DISP1: variants seen among roughly 807,000 people sequenced by gnomAD.
DISP1 encodes dispatched RND transporter family member 1.
A neutral mutation model predicts 37.3 loss-of-function variants in DISP1; 30 were observed. The observed-to-expected ratio is 0.80, with a 90% CI of 0.60 to 1.09. DISP1 has a LOEUF of 1.09. Ranked by LOEUF, DISP1 falls within the 50% of genes least tolerant of loss-of-function variation. The pLI is 0.00. For synonymous variants in DISP1, 634 were observed against 690.2 expected (o/e 0.92, Z 1.28); for missense variants, 1,598 against 1,879.5 (o/e 0.85, Z 2.77).
intron 1 of DISP1, among the ~76,000 whole-genome samples, chr1:222,888,403 T>C (rs1402040768): frequency 1.3e-5 from 2 of 152,190 alleles, no homozygotes; most frequent in Non-Finnish European, 2.9e-5. Context: ...AATTTCAAGC[T>C]GAAGAAGCCA....
chr1:222,887,524 C>T lies in DISP1; in HGVS notation c.-158-40906C>T, dbSNP rs1349203759. ...TTTTTTTTTTTGAGACGGAGTCTCGCTCTGTTGCCCAGGCCGGACTGCGGA... is the reference window on the plus strand; with the variant it reads ...TTTTTTTTTTTGAGACGGAGTCTCGTTCTGTTGCCCAGGCCGGACTGCGGA... On this transcript the variant is annotated intron_variant, in intron 1 of 8. Transcript: ENST00000675850. Among the ~76,000 whole-genome samples, 6 of 89,566 alleles carry T rather than the reference C, an allele frequency of 6.7e-5. 1 individual carries two copies. In the Admixed American group the frequency reaches 7.0e-4, roughly 10 times the overall value. 58.8% of individuals were successfully genotyped at this position (89,566 alleles called of 152,430 possible).
chr1:222,984,431 T>TAC (rs1678098735), intron 4 of DISP1, among the ~76,000 whole-genome samples: 1 of 112,724 alleles, frequency 8.9e-6, no homozygotes, highest in Non-Finnish European at 1.8e-5. Context: ...AATATATATA[T>TAC]ATATAGAGAG....
chr1:222,975,485 A>G (rs1677248019), intron 3 of DISP1, among the ~76,000 whole-genome samples: 1 of 152,240 alleles, frequency 6.6e-6, no homozygotes, highest in African/African-American at 2.4e-5. Flanking sequence ...AAGGTGAGCA[A>G]AACAAAGAAA....
chr1:222,909,213 T>C (rs547866960), intron 1 of DISP1, among the ~76,000 whole-genome samples: 1 of 152,172 alleles, frequency 6.6e-6, no homozygotes, highest in African/African-American at 2.4e-5. Context: ...AATTCTATAA[T>C]TCAATAATGT....
chr1:222,957,956 A>G lies in DISP1; in HGVS notation c.509+14624A>G, dbSNP rs539842854. 3.3e-5 allele frequency among the ~76,000 whole-genome samples: 5 copies of G among 152,330 alleles called. No homozygotes were observed. In the South Asian group the frequency reaches 8.3e-4, roughly 25 times the overall value. On this transcript the variant is annotated intron_variant, in intron 3 of 8. Coordinates refer to ENST00000675850, the MANE Select transcript of DISP1 (RefSeq NM_001377229.1). Reference sequence around the variant, plus strand: ...CAGTTTATAGGATTTTTGAGTTCATATGGAATTGGCAGAGACCATGTACAT... The same window carrying G: ...CAGTTTATAGGATTTTTGAGTTCATGTGGAATTGGCAGAGACCATGTACAT...
At chr1:222,826,043 A>G (rs1664297551) in intron 1 of DISP1, among the ~76,000 whole-genome samples, 1 of 152,146 alleles carries the variant, frequency 6.6e-6, no homozygotes, top group African/African-American at 2.4e-5. Flanking sequence ...CTGGGACTGT[A>G]GGTGTGTACC....
intron 8 of DISP1, among the ~76,000 whole-genome samples, chr1:223,001,319 A>G (rs1248216301): frequency 6.6e-6 from 1 of 152,238 alleles, no homozygotes; most frequent in East Asian, 1.9e-4. Flanking sequence ...AATAAACTTT[A>G]TGGAAGAAAT....
chr1:222,979,595 C>T (rs1311426759), intron 3 of DISP1: 1 of 470,816 alleles, frequency 2.1e-6, no homozygotes, highest in East Asian at 6.9e-5. Flanking sequence ...GAAAATACAG[C>T]TTTTGGGGGT....
At chr1:222,885,315 C>T (rs1670528285) in intron 1 of DISP1, among the ~76,000 whole-genome samples, 1 of 152,034 alleles carries the variant, frequency 6.6e-6, no homozygotes, top group Non-Finnish European at 1.5e-5. Flanking sequence ...ATTGTTCCAT[C>T]TTTGGCCATT....
intron 3 of DISP1, among the ~76,000 whole-genome samples, chr1:222,980,732 T>C (rs939391602): frequency 2.1e-4 from 32 of 152,324 alleles, no homozygotes; most frequent in Admixed American, 9.2e-4. Context: ...ATAAAAAGAA[T>C]GCATTTTTGG....
intron 1 of DISP1, among the ~76,000 whole-genome samples, chr1:222,874,062 G>A (rs950282503): frequency 2.0e-5 from 3 of 152,132 alleles, no homozygotes; most frequent in African/African-American, 4.8e-5. Flanking sequence ...TGAAATTCTG[G>A]GTTGAAAATT....
intron 1 of DISP1, among the ~76,000 whole-genome samples, chr1:222,883,244 G>A (rs1162270274): frequency 6.6e-6 from 1 of 152,060 alleles, no homozygotes; most frequent in Non-Finnish European, 1.5e-5. Context: ...TTTAGAAGCA[G>A]TAACAGTACC....
intron 8 of DISP1, among the ~76,000 whole-genome samples, chr1:222,996,820 C>A (rs1325604689): frequency 6.6e-6 from 1 of 152,104 alleles, no homozygotes; most frequent in African/African-American, 2.4e-5. Context: ...GATACCTCCC[C>A]CGTTTTGTTT....
intron 3 of DISP1, among the ~76,000 whole-genome samples, chr1:222,946,259 C>T (rs985714765): frequency 1.3e-5 from 2 of 151,118 alleles, no homozygotes; most frequent in Non-Finnish European, 2.9e-5. Flanking sequence ...TGGCGGGCGC[C>T]TGTAGTCCCA....
chr1:222,856,300 T>C (rs1053925943), intron 1 of DISP1, among the ~76,000 whole-genome samples: 3 of 152,236 alleles, frequency 2.0e-5, no homozygotes, highest in African/African-American at 7.2e-5. Flanking sequence ...CCAGGCTGTG[T>C]TGCTGTCATT....
intron 3 of DISP1, among the ~76,000 whole-genome samples, chr1:222,966,190 T>C (rs1326562439): frequency 6.6e-6 from 1 of 152,182 alleles, no homozygotes; most frequent in African/African-American, 2.4e-5. Context: ...TACCCACTTA[T>C]TGTAACTAGA....
chr1:222,903,042 G>T (rs1005857455), intron 1 of DISP1, among the ~76,000 whole-genome samples: 5 of 151,800 alleles, frequency 3.3e-5, no homozygotes, highest in Admixed American at 3.3e-4. Flanking sequence ...CAAAGACTTG[G>T]AACCAACCCA....
rs534910532 is a variant in DISP1, at chr1:222,825,152, G to T, written c.-159+10074G>T. ...GTCTCTCCCCAGGGATGGGGAATGTGGGGGGGCAGTGGTGGGGGATGGTGG... is the reference window on the plus strand; with the variant it reads ...GTCTCTCCCCAGGGATGGGGAATGTTGGGGGGCAGTGGTGGGGGATGGTGG... On this transcript the variant is annotated intron_variant, in intron 1 of 8. Coordinates refer to ENST00000675850, the MANE Select transcript of DISP1 (RefSeq NM_001377229.1). 3.3e-5 allele frequency among the ~76,000 whole-genome samples: 5 copies of T among 150,854 alleles called. No individual in the cohort carries two copies. In the South Asian group the frequency reaches 6.4e-4, roughly 19 times the overall value.
intron 1 of DISP1, among the ~76,000 whole-genome samples, chr1:222,913,752 GA>G (rs34122430): frequency 0.22 from 32,577 of 146,486 alleles, 3,758 homozygotes; most frequent in African/African-American, 0.24. Flanking sequence ...ACAAAAAAAA[GA>G]AAAAAAAAAG....
Sources: allele counts gnomAD v4.1 joint callset (sites outside exome capture counted in the v4.1 genomes callset), GRCh38; gene constraint gnomAD v4.1.1; transcripts MANE v1.5; gene names NCBI Gene and HGNC (gene_info 2026-07-23, HGNC 2026-07-21).